The following CPPED1 variants were observed in gnomAD, a reference collection of about 807,000 sequenced individuals.
The protein encoded by CPPED1 is serine/threonine-protein phosphatase CPPED1.
A neutral mutation model predicts 28.0 loss-of-function variants in CPPED1; 28 were observed. The observed-to-expected ratio is 1.00, with a 90% CI of 0.74 to 1.37. The LOEUF (loss-of-function observed/expected upper bound fraction) is 1.37. Among genes scored for constraint, CPPED1 ranks in the 40% most tolerant of loss-of-function variants. The pLI is 0.00. For synonymous variants in CPPED1, 198 were observed against 180.2 expected (o/e 1.10, Z -0.79); for missense variants, 504 against 416.5 (o/e 1.21, Z -1.83).
At chr16:12,698,989 T>G (rs779131169) in intron 3 of CPPED1, among the ~76,000 whole-genome samples, 2 of 152,192 alleles carry the variant, frequency 1.3e-5, no homozygotes, top group Non-Finnish European at 2.9e-5. Context: ...ACATGGTCAG[T>G]TAAAGATCTA....
intron 2 of CPPED1, among the ~76,000 whole-genome samples, chr16:12,745,038 A>G (rs1274516033): frequency 6.6e-6 from 1 of 152,106 alleles, no homozygotes; most frequent in Non-Finnish European, 1.5e-5. Flanking sequence ...AGGAAAGATC[A>G]ATGAACTTAA....
intron 3 of CPPED1, among the ~76,000 whole-genome samples, chr16:12,691,843 TA>T: frequency 7.1e-6 from 1 of 140,806 alleles, no homozygotes; most frequent in East Asian, 2.2e-4. Flanking sequence ...GGGATAGCAT[TA>T]GGAGACATGC....
At chr16:12,787,285 C>T (rs2080569443) in intron 1 of CPPED1, among the ~76,000 whole-genome samples, 1 of 152,084 alleles carries the variant, frequency 6.6e-6, no homozygotes, top group South Asian at 2.1e-4. Flanking sequence ...ACAACTCATA[C>T]AAAGCTCTGG....
intron 3 of CPPED1, among the ~76,000 whole-genome samples, chr16:12,704,278 C>G (rs556205737): frequency 6.6e-6 from 1 of 152,210 alleles, no homozygotes; most frequent in African/African-American, 2.4e-5. Flanking sequence ...ATAAACCCCT[C>G]CTGCCACTTC....
In CPPED1 at chr16:12,767,698, C is replaced by T. The variant is rs530086034; in HGVS notation, c.289+13487G>A. On this transcript the variant is annotated intron_variant, in intron 2 of 3. Coordinates refer to ENST00000381774, the MANE Select transcript of CPPED1 (RefSeq NM_018340.3). ...CCCTACTGGGGTGCAGTGGCTCATG[C>T]CTGTAATCCCAGCACTTGGGAGGCT... 3.0e-3 allele frequency among the ~76,000 whole-genome samples: 457 copies of T among 152,310 alleles called. 2 individuals are homozygous for T. The highest frequency in any genetic ancestry group is 5.6e-3 in the Non-Finnish European group (379 of 68,020).
intron 3 of CPPED1, among the ~76,000 whole-genome samples, chr16:12,675,912 G>C (rs929971714): frequency 6.6e-6 from 1 of 152,184 alleles, no homozygotes; most frequent in Non-Finnish European, 1.5e-5. Context: ...CCCTCCTGCC[G>C]GTAAAGAATT....
chr16:12,688,020 G>T (rs942633331), intron 3 of CPPED1, among the ~76,000 whole-genome samples: 3 of 151,782 alleles, frequency 2.0e-5, no homozygotes, highest in Non-Finnish European at 4.4e-5. Context: ...CAGGTGCCAC[G>T]CAACTCACAC....
intron 2 of CPPED1, among the ~76,000 whole-genome samples, chr16:12,722,873 T>C (rs1246436539): frequency 1.3e-5 from 2 of 152,186 alleles, no homozygotes; most frequent in Non-Finnish European, 2.9e-5. Context: ...CAGTGTATTT[T>C]CATTGCACAA....
In CPPED1 at chr16:12,664,863, G is replaced by T. The variant is rs754681484; in HGVS notation, c.*23C>A. On this transcript the variant is annotated 3_prime_UTR_variant, in exon 4 of 4. Transcript: ENST00000381774. The surrounding 1 kb of genome is among the most constrained non-coding windows in gnomAD (Gnocchi z 4.2). ...AATAAAAAAATAGTGCAAGTGAAAA[G>T]TGAACGGGAACGGGAAGGAGCGTCA... 1.9e-6 allele frequency: 3 copies of T among 1,609,602 alleles called. No individual in the cohort carries two copies. In the South Asian group the frequency reaches 3.3e-5, roughly 18 times the overall value.
At chr16:12,716,644 A>G (rs2080108511) in intron 2 of CPPED1, among the ~76,000 whole-genome samples, 1 of 152,270 alleles carries the variant, frequency 6.6e-6, no homozygotes, top group Non-Finnish European at 1.5e-5. Context: ...AGAGTTTTAC[A>G]GTTAAACTCC....
chr16:12,688,862 C>G (rs1226614509), intron 3 of CPPED1, among the ~76,000 whole-genome samples: 3 of 152,196 alleles, frequency 2.0e-5, no homozygotes, highest in African/African-American at 7.2e-5. Flanking sequence ...ATGTCAAGAG[C>G]TCCAGTCAGA....
At chr16:12,774,716 C>G (rs2080487761) in intron 2 of CPPED1, among the ~76,000 whole-genome samples, 1 of 152,156 alleles carries the variant, frequency 6.6e-6, no homozygotes, top group Non-Finnish European at 1.5e-5. Flanking sequence ...TCGTGAGGGC[C>G]ATGCCCTCAT....
At chr16:12,719,938 GA>G (rs897034181) in intron 2 of CPPED1, among the ~76,000 whole-genome samples, 95 of 143,742 alleles carry the variant, frequency 6.6e-4, no homozygotes, top group Admixed American at 6.9e-4. Flanking sequence ...CTCCATCACA[GA>G]AAAAAAAAAA....
At chr16:12,735,842 T>G (rs1381169881) in intron 2 of CPPED1, among the ~76,000 whole-genome samples, 2 of 152,218 alleles carry the variant, frequency 1.3e-5, no homozygotes, top group African/African-American at 4.8e-5. Flanking sequence ...TATGCTCACA[T>G]GCTGTTTAAA....
At chr16:12,770,357 C>T (rs1266993467) in intron 2 of CPPED1, among the ~76,000 whole-genome samples, 1 of 152,184 alleles carries the variant, frequency 6.6e-6, no homozygotes, top group South Asian at 2.1e-4. Context: ...AAATTAACTC[C>T]CACCTGGCGT....
At chr16:12,718,917 C>G (rs1265206843) in intron 2 of CPPED1, among the ~76,000 whole-genome samples, 1 of 149,864 alleles carries the variant, frequency 6.7e-6, no homozygotes, top group Non-Finnish European at 1.5e-5. Flanking sequence ...GAGCTGAGAT[C>G]CTTCCACTGC....
intron 2 of CPPED1, chr16:12,760,833 G>A (rs1042888961): frequency 6.6e-5 from 10 of 152,182 alleles, no homozygotes; most frequent in Admixed American, 2.6e-4. Context: ...ACCTGATAAT[G>A]CTGATGTGGC....
intron 1 of CPPED1, among the ~76,000 whole-genome samples, chr16:12,793,029 C>T (rs1190890635): frequency 6.6e-6 from 1 of 152,132 alleles, no homozygotes; most frequent in Admixed American, 6.6e-5. Context: ...GCTCCCTGCC[C>T]TGTAGGCAGA....
chr16:12,793,238 G>A (rs1041645673), intron 1 of CPPED1, among the ~76,000 whole-genome samples: 13 of 152,146 alleles, frequency 8.5e-5, no homozygotes, highest in African/African-American at 2.9e-4. Flanking sequence ...TACACACTTC[G>A]CTCTTTACAA....
Sources: gnomAD v4.1 joint callset for allele counts (sites outside exome capture counted in the v4.1 genomes callset) on GRCh38, gnomAD v4.1.1 for gene constraint, Gnocchi (gnomAD v3.1) non-coding constraint, MANE v1.5 for transcripts, NCBI Gene and HGNC (gene_info 2026-07-23, HGNC 2026-07-21) for gene names.